GABRG3: variants seen among roughly 807,000 people sequenced by gnomAD.
The protein encoded by GABRG3 is gamma-aminobutyric acid type A receptor subunit gamma3.
In GABRG3, 25 loss-of-function variants were observed where a neutral mutation model predicts 48.8. The observed-to-expected ratio is 0.51, with a 90% confidence interval of 0.37 to 0.72. GABRG3 has a LOEUF of 0.72. GABRG3 is among the 30% of genes least tolerant of loss of function. GABRG3 has a pLI of 0.00. For missense variants in GABRG3, 394 were observed against 577.9 expected (o/e 0.68, Z 3.26); for synonymous variants, 227 against 217.6 (o/e 1.04, Z -0.38).
At chr15:27,387,820 G>GGAGA (rs1340313513) in intron 5 of GABRG3, among the ~76,000 whole-genome samples, 1 of 114,920 alleles carries the variant, frequency 8.7e-6, no homozygotes, top group Admixed American at 8.7e-5. Context: ...AGGGAGGGAG[G>GGAGA]GAGGGAGAGA....
intron 3 of GABRG3, among the ~76,000 whole-genome samples, chr15:27,133,796 A>G (rs189133840): frequency 5.3e-5 from 8 of 152,364 alleles, no homozygotes; most frequent in Non-Finnish European, 1.0e-4. Flanking sequence ...GTTAACTTCA[A>G]CATGATAAAT....
At chr15:27,351,724 G>GTGTA (rs1491414925) in intron 5 of GABRG3, among the ~76,000 whole-genome samples, 4 of 149,504 alleles carry the variant, frequency 2.7e-5, no homozygotes, top group African/African-American at 7.5e-5. Flanking sequence ...GTGTGTGTGT[G>GTGTA]TATATATATG....
At chr15:27,239,032 C>T (rs1279755970) in intron 3 of GABRG3, among the ~76,000 whole-genome samples, 1 of 152,106 alleles carries the variant, frequency 6.6e-6, no homozygotes, top group Non-Finnish European at 1.5e-5. Flanking sequence ...TGAAGCATTA[C>T]AATGGGAATA....
In GABRG3 at chr15:27,222,911, A is replaced by G. The variant is rs1021390975; in HGVS notation, c.271-103898A>G. ...ACAGTCTCACTTCAGAATCCTGGCC[A>G]TACTTGGACATCCAGAGGCCAGAGT... On this transcript the variant is annotated intron_variant, in intron 3 of 9. Transcript: ENST00000615808. Among the ~76,000 whole-genome samples the G allele has an allele frequency of 3.5e-4, 54 of 152,198 alleles. 1 individual carries two copies. The highest frequency in any genetic ancestry group is 1.3e-3 in the African/African-American group (54 of 41,450).
At chr15:27,082,988 T>A (rs1897016373) in intron 3 of GABRG3, among the ~76,000 whole-genome samples, 1 of 152,254 alleles carries the variant, frequency 6.6e-6, no homozygotes, top group South Asian at 2.1e-4. Context: ...ACCATTTATC[T>A]TGTGCTTTAT....
At chr15:27,264,487 T>C (rs1233593253) in intron 3 of GABRG3, among the ~76,000 whole-genome samples, 1 of 152,018 alleles carries the variant, frequency 6.6e-6, no homozygotes, top group Non-Finnish European at 1.5e-5. Context: ...AAACCTATAG[T>C]CTACTTTCTT....
chr15:27,446,431 A>T (rs1373945987), intron 5 of GABRG3, among the ~76,000 whole-genome samples: 1 of 152,200 alleles, frequency 6.6e-6, no homozygotes, highest in African/African-American at 2.4e-5. Context: ...TAGCATTCCA[A>T]ATGAAAGCAA....
rs201089831 is a variant in GABRG3, at chr15:27,515,098, T to C, written c.713-4874T>C. ...AATGTTTCTTAATTTTTTTGTTTTT[T>C]TTGAGACGGAGTTTTGCTCTCGTTG... On this transcript the variant is annotated intron_variant, in intron 6 of 9. Coordinates refer to ENST00000615808, the MANE Select transcript of GABRG3 (RefSeq NM_033223.5). 2.6e-5 allele frequency among the ~76,000 whole-genome samples: 4 copies of C among 152,150 alleles called. No homozygotes were observed. The East Asian group carries it at 7.7e-4, about 29-fold the overall frequency.
chr15:27,384,454 AACT>A (rs1262920218), intron 5 of GABRG3, among the ~76,000 whole-genome samples: 1 of 152,210 alleles, frequency 6.6e-6, no homozygotes, highest in African/African-American at 2.4e-5. Context: ...GACTTTTGAA[AACT>A]ACTAAGAACA....
In GABRG3 at chr15:27,533,793, G is replaced by A. The variant is rs983800306; in HGVS notation, c.*912G>A. On this transcript the variant is annotated 3_prime_UTR_variant, in exon 10 of 10. Coordinates refer to ENST00000615808, the MANE Select transcript of GABRG3 (RefSeq NM_033223.5). ...AGTGAACACAACCTGTTATCTTGAA[G>A]ACATACACCGGAATGTGAAAGACAT... 7 of 152,090 alleles carry A rather than the reference G, an allele frequency of 4.6e-5. No individual in the cohort carries two copies. Among genetic ancestry groups the A allele is most frequent in the African/African-American group, 1.7e-4 (7 of 41,410 alleles). The allele number at this position is 152,090 out of a possible 1,614,324, so 9.4% of individuals were successfully genotyped here.
intron 3 of GABRG3, among the ~76,000 whole-genome samples, chr15:27,253,414 T>A (rs1890521617): frequency 6.6e-6 from 1 of 152,208 alleles, no homozygotes; most frequent in South Asian, 2.1e-4. Context: ...CTGCTTGCTC[T>A]TCCCTCCCCA....
intron 3 of GABRG3, among the ~76,000 whole-genome samples, chr15:27,241,787 A>C (rs1009496857): frequency 6.6e-6 from 1 of 152,230 alleles, no homozygotes; most frequent in African/African-American, 2.4e-5. Flanking sequence ...TTCTCACGCT[A>C]TGTCTCTTTC....
chr15:27,336,338 G>A (rs1424215125), intron 5 of GABRG3, among the ~76,000 whole-genome samples: 2 of 139,544 alleles, frequency 1.4e-5, no homozygotes, highest in Non-Finnish European at 3.0e-5. Flanking sequence ...GAAGAAAAAG[G>A]AAAGAAAGAA....
intron 5 of GABRG3, among the ~76,000 whole-genome samples, chr15:27,383,213 C>T (rs1305045040): frequency 6.6e-6 from 1 of 152,186 alleles, no homozygotes; most frequent in Non-Finnish European, 1.5e-5. Context: ...GTATAACTGT[C>T]TTCATCTGAG....
At chr15:27,515,162 G>C (rs1890989322) in intron 6 of GABRG3, among the ~76,000 whole-genome samples, 1 of 151,492 alleles carries the variant, frequency 6.6e-6, no homozygotes, top group African/African-American at 2.4e-5. Context: ...GATAGTTCTC[G>C]GCTCACTGCA....
At position 26,971,461 on chromosome 15, in the gene GABRG3, G is replaced by A. The variant is rs1894840380; in HGVS notation, c.-75G>A. The A allele has an allele frequency of 3.1e-6, 4 of 1,277,934 alleles. No homozygotes were observed. In the Admixed American group the frequency reaches 8.3e-5, roughly 27 times the overall value. The allele number at this position is 1,277,934 out of a possible 1,614,324, so 79.2% of individuals were successfully genotyped here. A position where few individuals can be genotyped will look rare whatever the true frequency, so the allele number is the denominator to read the frequency against. The stretch of plus-strand genomic sequence containing the variant: ...GGAAGCCAGGGCAAAGAGGGCCGGC[G>A]GAGACCAGGTCCGCGCCGGAGGAAG... On this transcript the variant is annotated 5_prime_UTR_variant, in exon 1 of 10. Transcript: ENST00000615808.
intron 5 of GABRG3, chr15:27,428,472 T>C (rs1299721889): frequency 6.6e-6 from 1 of 152,236 alleles, no homozygotes; most frequent in Non-Finnish European, 1.5e-5. Context: ...TGTTTTCACA[T>C]GAATGTGAAT....
chr15:27,511,004 G>T (rs1890883589), intron 6 of GABRG3, among the ~76,000 whole-genome samples: 1 of 152,164 alleles, frequency 6.6e-6, no homozygotes, highest in African/African-American at 2.4e-5. Context: ...TTTTAAAAAT[G>T]ATGTAGTGTG....
In GABRG3 at chr15:27,352,138, TTG is replaced by T. The variant is rs112165671; in HGVS notation, c.574+23256_574+23257del. ...TGTGTGTGTATGTATGATGTGTGTA[TTG>T]TGTGTTTGTGTATGGTGTGTGTGTT... On this transcript the variant is annotated intron_variant, in intron 5 of 9. Coordinates refer to ENST00000615808, the MANE Select transcript of GABRG3 (RefSeq NM_033223.5). This position sits in a 1 kb window ranked among gnomAD's most constrained non-coding sequence, Gnocchi z 4.0. 2.9e-4 allele frequency among the ~76,000 whole-genome samples: 43 copies of T among 150,712 alleles called. 1 individual carries two copies. The highest frequency in any genetic ancestry group is 1.0e-3 in the African/African-American group (41 of 41,006).
Sources: gnomAD v4.1 joint callset for allele counts (sites outside exome capture counted in the v4.1 genomes callset) on GRCh38, gnomAD v4.1.1 for gene constraint, Gnocchi (gnomAD v3.1) non-coding constraint, MANE v1.5 for transcripts, NCBI Gene and HGNC (gene_info 2026-07-23, HGNC 2026-07-21) for gene names.